POM121: variants seen among roughly 807,000 people sequenced by gnomAD.
The protein encoded by POM121 is POM121 transmembrane nucleoporin, also known as nuclear envelope pore membrane protein POM 121.
POM121 carries 32 observed loss-of-function variants against 81.3 expected under a neutral mutation model. The observed-to-expected ratio is 0.39, with a 90% confidence interval of 0.30 to 0.53. The LOEUF is 0.53. Among genes scored for constraint, POM121 ranks in the 20% least tolerant of loss-of-function variants. POM121 has a pLI of 0.66. For missense variants in POM121, 1,138 were observed against 1,614.6 expected (o/e 0.70, Z 5.06); for synonymous variants, 514 against 694.2 (o/e 0.74, Z 4.08).
chr7:72,922,111 C>T (rs1193327113), upstream of POM121, among the ~76,000 whole-genome samples: 15 of 152,024 alleles, frequency 9.9e-5, no homozygotes, highest in African/African-American at 3.4e-4. Context: ...AATCCTGTTA[C>T]TTTAGTCTTT....
Position 72,942,941 on chromosome 7 carries a change from C to T in POM121, c.2948C>T (p.Ala983Val). The part of the protein sequence containing the change: ...GAAEGQPPGA[A>V]KPALAPSFGS... The stretch of plus-strand genomic sequence containing the variant: ...GCTGAGGGGCAGCCACCGGGGGCCG[C>T]CAAGCCGGCCCTTGCCCCCAGCTTT... The change falls in exon 11 of 13, where the codon GCC (alanine) becomes GTC (valine). Residue 983 changes from alanine (A) to valine (V), a missense_variant. By Grantham distance (64) the Ala-to-Val change is moderately conservative (BLOSUM62 0). Around this residue, in one of 7 missense-constraint regions of POM121, gnomAD observed 45 missense variants for 75.7 expected, o/e 0.59. Coordinates refer to ENST00000434423, the MANE Select transcript of POM121 (RefSeq NM_001387691.1). 1 of 1,604,578 alleles carries T rather than the reference C, an allele frequency of 6.2e-7. No individual in the cohort carries two copies. Among genetic ancestry groups the T allele is most frequent in the Non-Finnish European group, 8.5e-7 (1 of 1,176,058 alleles).
chr7:72,943,070 T>C lies in POM121; in HGVS notation c.3077T>C (p.Ile1026Thr), dbSNP rs1797278632. Residue 1026 changes from isoleucine to threonine, a missense_variant, in exon 11 of 13, where the codon ATC becomes ACC. Around this residue, in one of 7 missense-constraint regions of POM121, gnomAD observed 336 missense variants for 344.3 expected, o/e 0.98. Transcript: ENST00000434423. ...GTGCCTGCGTACGTGCCTACGCCCA[T>C]CCATCCTATCTTTGGCGGTGCCACG... ...KVVPAYVPTP[I>T]HPIFGGATHS... The C allele has an allele frequency of 6.2e-7, 1 of 1,613,724 alleles. No individual in the cohort carries two copies. Among genetic ancestry groups the C allele is most frequent in the South Asian group, 1.1e-5 (1 of 91,078 alleles).
intron 1 of POM121, among the ~76,000 whole-genome samples, chr7:72,890,212 A>G (rs1208592840): frequency 6.6e-6 from 1 of 152,226 alleles, no homozygotes; most frequent in Non-Finnish European, 1.5e-5. Context: ...GAAGAAGACC[A>G]GGAACTGAGT....
chr7:72,945,783 C>T lies in POM121; in HGVS notation c.3652+75C>T, dbSNP rs1797631269. On this transcript the variant is annotated intron_variant, in intron 12 of 12. Transcript: ENST00000434423. ...TGGGCGGGGTGGCAGGTTCCTGGTC[C>T]TCTGAGGCCCGGTGAAGATCAGGTT... is the stretch of plus-strand genomic sequence containing the variant. The T allele has an allele frequency of 1.6e-5, 25 of 1,534,616 alleles. No individual in the cohort carries two copies. In the South Asian group the frequency reaches 2.7e-4, roughly 16 times the overall value.
chr7:72,934,192 C>T (rs1243300107), intron 5 of POM121, among the ~76,000 whole-genome samples: 1 of 151,506 alleles, frequency 6.6e-6, no homozygotes, highest in Non-Finnish European at 1.5e-5. Context: ...TCAAGCAATT[C>T]CCCAGTCTCA....
chr7:72,912,787 T>C (rs1407902886), intron 3 of POM121, among the ~76,000 whole-genome samples: 1 of 151,882 alleles, frequency 6.6e-6, no homozygotes, highest in East Asian at 1.9e-4. Flanking sequence ...CAAAACAAGA[T>C]CTAAGTGGGT....
At chr7:72,881,187 C>T (rs1341382336) in intron 1 of POM121, among the ~76,000 whole-genome samples, 2 of 151,716 alleles carry the variant, frequency 1.3e-5, no homozygotes, top group African/African-American at 2.4e-5. Context: ...GCCTCAGCCT[C>T]CTGAGTAGCT....
intron 3 of POM121, among the ~76,000 whole-genome samples, chr7:72,910,664 T>G (rs1303375568): frequency 2.0e-5 from 3 of 151,808 alleles, no homozygotes; most frequent in Non-Finnish European, 2.9e-5. Flanking sequence ...CTACAGTATC[T>G]GGGGCAGGGG....
At chr7:72,919,517 T>C (rs1794608492) in intron 4 of POM121, among the ~76,000 whole-genome samples, 1 of 152,050 alleles carries the variant, frequency 6.6e-6, no homozygotes, top group African/African-American at 2.4e-5. Context: ...AGTCTTGCTC[T>C]GTCACCCAGG....
intron 1 of POM121, among the ~76,000 whole-genome samples, chr7:72,880,147 TTCC>T (rs1318348118): frequency 1.6e-4 from 24 of 152,304 alleles, no homozygotes; most frequent in African/African-American, 4.3e-4. Context: ...CTAACAGTCC[TTCC>T]TCCTCCTCTC....
exon 3 of POM121, chr7:72,891,109 A>G (rs201050328): frequency 1.8e-6 from 2 of 1,081,702 alleles, no homozygotes; most frequent in African/African-American, 1.6e-5. Context: ...AACATAGTCC[A>G]GGTAAGTTAG....
intron 5 of POM121, among the ~76,000 whole-genome samples, chr7:72,931,362 T>C (rs1273495020): frequency 6.6e-6 from 1 of 152,262 alleles, no homozygotes; most frequent in South Asian, 2.1e-4. Flanking sequence ...CTTTGGTTTC[T>C]TCCAGTTAGA....
At chr7:72,912,796 G>A (rs1364673102) in intron 3 of POM121, among the ~76,000 whole-genome samples, 9 of 152,116 alleles carry the variant, frequency 5.9e-5, no homozygotes, top group African/African-American at 1.9e-4. Flanking sequence ...ATCTAAGTGG[G>A]TTTTCCCAAG....
At chr7:72,895,250 T>A (rs1262650524) in intron 3 of POM121, among the ~76,000 whole-genome samples, 1 of 152,202 alleles carries the variant, frequency 6.6e-6, no homozygotes, top group Non-Finnish European at 1.5e-5. Flanking sequence ...GCATTTCATC[T>A]GTTTGTAGGA....
chr7:72,936,661 C>G lies in POM121; in HGVS notation c.1276-1929C>G, dbSNP rs1198120955. ...TCCTGACCTCAGGTGATCCTCCTGC[C>G]TCAGCCTCCTGAAGTGCTAGGATTA... On this transcript the variant is annotated intron_variant, in intron 5 of 12. Transcript: ENST00000434423. Among the ~76,000 whole-genome samples the G allele has an allele frequency of 6.6e-5, 10 of 152,340 alleles. No homozygotes were observed. The South Asian group carries it at 8.3e-4, about 13-fold the overall frequency.
intron 3 of POM121, among the ~76,000 whole-genome samples, chr7:72,909,109 G>A (rs782387238): frequency 1.3e-5 from 2 of 152,160 alleles, no homozygotes; most frequent in African/African-American, 2.4e-5. Flanking sequence ...TTAATTTAGG[G>A]AACTAATAAA....
chr7:72,937,553 A>G (rs569618663), intron 5 of POM121, among the ~76,000 whole-genome samples: 63 of 152,036 alleles, frequency 4.1e-4, no homozygotes, highest in African/African-American at 1.4e-3. Context: ...GCTGCTTACC[A>G]CTTGTCTGAA....
chr7:72,879,578 C>G (rs1349413271), exon 1 of POM121: 2 of 291,060 alleles, frequency 6.9e-6, no homozygotes, highest in African/African-American at 4.8e-5. Flanking sequence ...GCGCTGGGGC[C>G]AGAGGGGCCA....
downstream of POM121, chr7:72,950,017 C>T (rs200101580): frequency 6.8e-5 from 104 of 1,538,182 alleles, no homozygotes; most frequent in Middle Eastern, 5.2e-4. Context: ...AGGCCCTTCC[C>T]GTGCCTACAC....
Sources: gnomAD v4.1 joint callset for allele counts (sites outside exome capture counted in the v4.1 genomes callset) on GRCh38, gnomAD v4.1.1 for gene constraint, gnomAD v4.1.1 regional missense constraint, MANE v1.5 for transcripts, NCBI Gene and HGNC (gene_info 2026-07-23, HGNC 2026-07-21) for gene names.